ERBIN: variants seen among roughly 807,000 people sequenced by gnomAD.
ERBIN encodes the protein densin-180-like protein.
A neutral mutation model predicts 158.4 loss-of-function variants in ERBIN; 60 were observed. The observed-to-expected ratio is 0.38, with a 90% CI of 0.31 to 0.47. ERBIN has a LOEUF of 0.47. Among genes scored for constraint, ERBIN ranks in the 20% least tolerant of loss-of-function variants. The pLI is 0.99. For missense variants in ERBIN, 1,610 were observed against 1,648.0 expected (o/e 0.98, Z 0.40); for synonymous variants, 594 against 557.2 (o/e 1.07, Z -0.93).
At chr5:66,049,943 G>C (rs1006319847) in intron 19 of ERBIN, among the ~76,000 whole-genome samples, 1 of 152,046 alleles carries the variant, frequency 6.6e-6, no homozygotes, top group Non-Finnish European at 1.5e-5. Flanking sequence ...TTTATGAAAT[G>C]TTTTAAAAAC....
At chr5:66,078,334 T>C (rs1397829954) in intron 25 of ERBIN, 89 bp from the exon 26 acceptor site, 4 of 813,854 alleles carry the variant, frequency 4.9e-6, no homozygotes, top group Non-Finnish European at 7.9e-6. Context: ...AAGTGATTCT[T>C]ATTTTCTTCC....
At chr5:66,044,437 C>T (rs773861528) in intron 17 of ERBIN, 127 bp downstream of exon 17, 17 of 845,822 alleles carry the variant, frequency 2.0e-5, no homozygotes, top group Admixed American at 6.1e-5. Context: ...ATATTTCGGT[C>T]GACATGCTCA....
Position 66,000,229 on chromosome 5 carries a change from T to A in ERBIN, c.307+5365T>A, listed in dbSNP as rs1356595352. Among the ~76,000 whole-genome samples, 3 of 152,214 alleles carry A rather than the reference T, an allele frequency of 2.0e-5. No homozygotes were observed. The East Asian group carries it at 5.8e-4, about 29-fold the overall frequency. ...AGTCTTTATGGTATAGAAGTATTGC[T>A]TGGCTCAGTAATGAAAATAACTTGC... On this transcript the variant is annotated intron_variant, in intron 4 of 25. Transcript: ENST00000284037.
intron 4 of ERBIN, among the ~76,000 whole-genome samples, chr5:66,002,830 T>G (rs1167221669): frequency 2.0e-5 from 3 of 152,242 alleles, no homozygotes; most frequent in Admixed American, 2.0e-4. Context: ...TTTAAATTTC[T>G]AAAATTGCCA....
intron 14 of ERBIN, among the ~76,000 whole-genome samples, chr5:66,029,574 C>T (rs420801): frequency 1.3e-4 from 20 of 151,298 alleles, no homozygotes; most frequent in African/African-American, 4.6e-4. Context: ...TCTGTTCTGT[C>T]CTGTCCTGTC....
chr5:65,970,663 C>A (rs1034442049), intron 1 of ERBIN, among the ~76,000 whole-genome samples: 1 of 152,184 alleles, frequency 6.6e-6, no homozygotes, highest in Non-Finnish European at 1.5e-5. Context: ...CATAGCTCAT[C>A]GTGGCCTTGA....
intron 21 of ERBIN, chr5:66,069,067 A>G (rs1260082739): frequency 2.9e-6 from 4 of 1,401,712 alleles, no homozygotes; most frequent in Non-Finnish European, 3.7e-6. Flanking sequence ...AGAAGAGAAA[A>G]CCCCAAATTT....
chr5:65,983,539 C>T (rs1333770411), intron 1 of ERBIN, among the ~76,000 whole-genome samples: 1 of 152,104 alleles, frequency 6.6e-6, no homozygotes, highest in African/African-American at 2.4e-5. Flanking sequence ...GAACTAAGCA[C>T]AAATATACCA....
At chr5:65,959,582 G>C (rs1737366749) in intron 1 of ERBIN, among the ~76,000 whole-genome samples, 2 of 152,090 alleles carry the variant, frequency 1.3e-5, no homozygotes, top group African/African-American at 4.8e-5. Flanking sequence ...GGACTTCATA[G>C]TTCTCAAATA....
chr5:66,025,412 C>A, intron 10 of ERBIN, 68 bp from the exon 11 acceptor site: 1 of 1,160,136 alleles, frequency 8.6e-7, no homozygotes. Flanking sequence ...GTATGTCTCA[C>A]ACTGACTGTT....
At chr5:66,016,735 T>C (rs2151117729) in intron 7 of ERBIN, among the ~76,000 whole-genome samples, 1 of 152,012 alleles carries the variant, frequency 6.6e-6, no homozygotes, top group Middle Eastern at 3.4e-3. Flanking sequence ...TTTCTCAGCC[T>C]CCAGAGTGGC....
At chr5:66,032,619 A>G (rs78863858) in intron 14 of ERBIN, among the ~76,000 whole-genome samples, 12,065 of 152,206 alleles carry the variant, frequency 0.079, 741 homozygotes, top group East Asian at 0.27. Context: ...CTGATATTTT[A>G]GAAAGGCCTT....
chr5:66,053,625 A>G lies in ERBIN; in HGVS notation c.2307A>G (p.Lys769=). 6.2e-7 allele frequency: 1 copy of G among 1,611,964 alleles called. No homozygotes were observed. Among genetic ancestry groups the G allele is most frequent in the South Asian group, 1.1e-5 (1 of 90,862 alleles). ...KLDHINMNLN[K]LITNDTFQPE... ...ATCATATCAATATGAATCTTAATAA[A>G]CTTATAACTAATGATACATTTCAAC... The change falls in exon 21 of 26, where the codon AAA becomes AAG. Residue 769 remains lysine, a synonymous_variant. Transcript: ENST00000284037.
chr5:66,075,436 G>T (rs187102878), intron 23 of ERBIN, among the ~76,000 whole-genome samples: 1 of 152,190 alleles, frequency 6.6e-6, no homozygotes, highest in Non-Finnish European at 1.5e-5. Flanking sequence ...AGTATTTTGG[G>T]CATGATTTAT....
intron 21 of ERBIN, among the ~76,000 whole-genome samples, chr5:66,061,526 G>A (rs916607449): frequency 1.3e-5 from 2 of 152,144 alleles, no homozygotes; most frequent in African/African-American, 4.8e-5. Context: ...TTTAATTGGA[G>A]CATTTAGCCC....
At chr5:65,991,841 A>G (rs767919616) in intron 2 of ERBIN, among the ~76,000 whole-genome samples, 1 of 152,212 alleles carries the variant, frequency 6.6e-6, no homozygotes, top group Non-Finnish European at 1.5e-5. Flanking sequence ...CACATTTAAG[A>G]CATATAAGTT....
At chr5:65,938,197 T>C (rs1183848960) in intron 1 of ERBIN, among the ~76,000 whole-genome samples, 1 of 152,154 alleles carries the variant, frequency 6.6e-6, no homozygotes, top group Non-Finnish European at 1.5e-5. Context: ...TCTGTTTTTA[T>C]GAGGCTATTT....
chr5:65,982,239 C>A (rs1443705244), intron 1 of ERBIN, among the ~76,000 whole-genome samples: 1 of 152,064 alleles, frequency 6.6e-6, no homozygotes, highest in Non-Finnish European at 1.5e-5. Context: ...GAGAAGAACC[C>A]CAAATTGGAA....
At chr5:66,077,198 G>T (rs1165692686) in intron 25 of ERBIN, among the ~76,000 whole-genome samples, 1 of 150,856 alleles carries the variant, frequency 6.6e-6, no homozygotes, top group Non-Finnish European at 1.5e-5. Flanking sequence ...TTTTGTTTAA[G>T]CTCAGGAATG....
Sources: allele counts gnomAD v4.1 joint callset (sites outside exome capture counted in the v4.1 genomes callset), GRCh38; gene constraint gnomAD v4.1.1; transcripts MANE v1.5; gene names NCBI Gene and HGNC (gene_info 2026-07-23, HGNC 2026-07-21).